TMEM132C: variants seen among roughly 807,000 people sequenced by gnomAD.
TMEM132C encodes transmembrane protein 132C, also known as protein phosphatase 1, regulatory subunit 152.
A neutral mutation model predicts 61.4 loss-of-function variants in TMEM132C; 29 were observed. The observed-to-expected ratio is 0.47, with a 90% CI of 0.35 to 0.64. The LOEUF (loss-of-function observed/expected upper bound fraction) is 0.64, where lower values mean the gene tolerates loss of function less well. Among genes scored for constraint, TMEM132C ranks in the 30% least tolerant of loss-of-function variants. The pLI is 0.00. For missense variants in TMEM132C, 1,408 were observed against 1,476.9 expected (o/e 0.95, Z 0.76); for synonymous variants, 656 against 633.1 (o/e 1.04, Z -0.54).
At chr12:128,441,773 T>G (rs1046468532) in intron 2 of TMEM132C, among the ~76,000 whole-genome samples, 5 of 152,284 alleles carry the variant, frequency 3.3e-5, no homozygotes, top group Admixed American at 3.3e-4. Flanking sequence ...GGCGGGCAGA[T>G]CATTTGAGGT....
At chr12:128,623,433 A>ATATATATG (rs1335735689) in intron 4 of TMEM132C, among the ~76,000 whole-genome samples, 1 of 148,820 alleles carries the variant, frequency 6.7e-6, no homozygotes, top group African/African-American at 2.5e-5. Flanking sequence ...ATATATATAT[A>ATATATATG]TGTATATATA....
intron 1 of TMEM132C, among the ~76,000 whole-genome samples, chr12:128,407,714 G>A (rs370008552): frequency 6.6e-5 from 10 of 152,116 alleles, no homozygotes; most frequent in Admixed American, 2.6e-4. Flanking sequence ...TGAGACCTGC[G>A]CCCAGAAGAG....
intron 5 of TMEM132C, among the ~76,000 whole-genome samples, chr12:128,670,509 C>A (rs933334622): frequency 3.3e-5 from 5 of 152,168 alleles, no homozygotes; most frequent in Non-Finnish European, 5.9e-5. Flanking sequence ...TCCACATGTA[C>A]GTGAGATCGT....
intron 3 of TMEM132C, among the ~76,000 whole-genome samples, chr12:128,571,922 C>G (rs1874897333): frequency 6.6e-6 from 1 of 152,242 alleles, no homozygotes; most frequent in Admixed American, 6.5e-5. Flanking sequence ...GACTGCTCCT[C>G]CACTGTTCAC....
At chr12:128,436,041 A>C (rs894056404) in intron 2 of TMEM132C, among the ~76,000 whole-genome samples, 2 of 152,208 alleles carry the variant, frequency 1.3e-5, no homozygotes, top group African/African-American at 4.8e-5. Flanking sequence ...AAAAACAAGA[A>C]ATGGGGAAAG....
chr12:128,482,663 C>G (rs1871351023), intron 2 of TMEM132C, among the ~76,000 whole-genome samples: 1 of 151,958 alleles, frequency 6.6e-6, no homozygotes, highest in Admixed American at 6.6e-5. Flanking sequence ...ACGTATTAGT[C>G]TATTCAGGGA....
chr12:128,567,899 C>G (rs1329797943), intron 3 of TMEM132C, among the ~76,000 whole-genome samples: 3 of 152,222 alleles, frequency 2.0e-5, no homozygotes, highest in African/African-American at 7.2e-5. Flanking sequence ...ATTCGATTTG[C>G]TAAGCCTGTG....
At chr12:128,572,862 G>A (rs1874943139) in intron 3 of TMEM132C, among the ~76,000 whole-genome samples, 1 of 152,262 alleles carries the variant, frequency 6.6e-6, no homozygotes, top group Admixed American at 6.5e-5. Flanking sequence ...TTTAAAAGTG[G>A]TGAAGATACC....
chr12:128,552,703 G>C (rs750179804), intron 3 of TMEM132C, among the ~76,000 whole-genome samples: 72 of 152,248 alleles, frequency 4.7e-4, no homozygotes, highest in Admixed American at 1.4e-3. Context: ...GAGGTCAGGA[G>C]TTCAAGGAAT....
rs951252351 is a variant in TMEM132C, at chr12:128,705,662, C to G, written c.2694C>G (p.His898Gln). The G allele has an allele frequency of 3.9e-6, 6 of 1,551,170 alleles. No individual in the cohort carries two copies. Among genetic ancestry groups the G allele is most frequent in the African/African-American group, 1.4e-5 (1 of 73,038 alleles). The change falls in exon 9 of 9, where the codon CAC (histidine) becomes CAG (glutamine). Residue 898 changes from histidine (H) to glutamine (Q), a missense_variant. Physicochemically the swap from His to Gln is conservative, Grantham distance 24. Transcript: ENST00000435159. The part of the protein sequence containing the change: ...IPIDFTNFPA[H>Q]VDLPKAGSGL... Reference sequence around the variant, plus strand: ...TTGACTTCACCAACTTCCCTGCCCACGTGGACCTCCCCAAGGCCGGGAGTG... The same window carrying G: ...TTGACTTCACCAACTTCCCTGCCCAGGTGGACCTCCCCAAGGCCGGGAGTG...
chr12:128,425,641 G>A (rs996521709), intron 2 of TMEM132C, among the ~76,000 whole-genome samples: 1 of 152,190 alleles, frequency 6.6e-6, no homozygotes, highest in Admixed American at 6.5e-5. Context: ...AGCCTGAGAT[G>A]AGGGTGCCAG....
intron 1 of TMEM132C, among the ~76,000 whole-genome samples, chr12:128,351,211 G>A (rs1873327140): frequency 6.6e-6 from 1 of 152,080 alleles, no homozygotes. Context: ...CTGGGGCCAA[G>A]GAGTGATATG....
chr12:128,503,911 G>T (rs919714625), intron 2 of TMEM132C, among the ~76,000 whole-genome samples: 6 of 152,224 alleles, frequency 3.9e-5, no homozygotes, highest in Admixed American at 3.3e-4. Flanking sequence ...GGTTTATGGG[G>T]ATCAAGAACT....
chr12:128,398,887 TC>T (rs1875052587), intron 1 of TMEM132C, among the ~76,000 whole-genome samples: 1 of 152,202 alleles, frequency 6.6e-6, no homozygotes, highest in African/African-American at 2.4e-5. Context: ...CGGATATTTT[TC>T]CCCACTGACT....
chr12:128,436,438 T>TA (rs1419870130), intron 2 of TMEM132C, among the ~76,000 whole-genome samples: 1 of 151,970 alleles, frequency 6.6e-6, no homozygotes, highest in Non-Finnish European at 1.5e-5. Context: ...ACAAAGAACT[T>TA]AAACAAATTT....
intron 2 of TMEM132C, among the ~76,000 whole-genome samples, chr12:128,538,548 C>T (rs12826244): frequency 0.46 from 70,122 of 152,088 alleles, 18,810 homozygotes; most frequent in Non-Finnish European, 0.61. Context: ...GCCACCAAAC[C>T]CAGCCACAAC....
chr12:128,294,797 A>G (rs79296810), intron 1 of TMEM132C, among the ~76,000 whole-genome samples: 34,546 of 151,838 alleles, frequency 0.23, 4,383 homozygotes, highest in East Asian at 0.5. Context: ...ATCACCTCCC[A>G]AAGGTACCAC....
At chr12:128,619,807 C>G (rs889730655) in intron 4 of TMEM132C, among the ~76,000 whole-genome samples, 23 of 152,190 alleles carry the variant, frequency 1.5e-4, no homozygotes, top group African/African-American at 5.5e-4. Context: ...GTTGGCAGTT[C>G]AGTTCTTCTT....
At chr12:128,307,821 G>T (rs962402398) in intron 1 of TMEM132C, among the ~76,000 whole-genome samples, 1 of 152,140 alleles carries the variant, frequency 6.6e-6, no homozygotes, top group Admixed American at 6.5e-5. Flanking sequence ...AATGGCAATG[G>T]GTCCCCCACT....
Sources: gnomAD v4.1 joint callset for allele counts (sites outside exome capture counted in the v4.1 genomes callset) on GRCh38, gnomAD v4.1.1 for gene constraint, MANE v1.5 for transcripts, NCBI Gene and HGNC (gene_info 2026-07-23, HGNC 2026-07-21) for gene names.